ZC4H2: variants seen among roughly 807,000 people sequenced by gnomAD.
The protein encoded by ZC4H2 is zinc finger C4H2 domain-containing protein.
For missense variants in ZC4H2, 137 were observed against 173.9 expected (o/e 0.79, Z 1.19); for synonymous variants, 84 against 66.3 (o/e 1.27, Z -1.30).
rs1932615243 is a variant in ZC4H2, at chrX:65,004,402, C to T, written c.-272+30227G>A. 3.6e-5 allele frequency among the ~76,000 whole-genome samples: 4 copies of T among 112,073 alleles called. No homozygotes were observed. In the Admixed American group the frequency reaches 3.8e-4, roughly 11 times the overall value. ...TCCACCACAATCAAGTTAACTTCAT[C>T]CCTGGGATGCAAGGACGGTTCAACA... On this transcript the variant is annotated intron_variant, in intron 1 of 4. Transcript: ENST00000337990.
intron 1 of ZC4H2, among the ~76,000 whole-genome samples, chrX:64,966,412 A>T (rs754131568): frequency 8.9e-6 from 1 of 112,583 alleles, no homozygotes; most frequent in African/African-American, 3.2e-5. Flanking sequence ...AGTTATACAT[A>T]TACTTACAAT....
chrX:64,950,525 G>A (rs936027172), intron 1 of ZC4H2, among the ~76,000 whole-genome samples: 4 of 110,992 alleles, frequency 3.6e-5, no homozygotes, highest in African/African-American at 1.3e-4. Context: ...TATGAATCTG[G>A]GTGCTCCTGT....
At chrX:64,972,401 A>G (rs1243017291) in intron 1 of ZC4H2, among the ~76,000 whole-genome samples, 1 of 111,469 alleles carries the variant, frequency 9.0e-6, no homozygotes, top group Non-Finnish European at 1.9e-5. Context: ...CTTGACTTCA[A>G]TAGGTCATTA....
At chrX:65,007,134 A>T in intron 1 of ZC4H2, among the ~76,000 whole-genome samples, 1 of 107,297 alleles carries the variant, frequency 9.3e-6, no homozygotes, top group Middle Eastern at 4.7e-3. Flanking sequence ...TTGTTGTTCA[A>T]AAAAAAAAAA....
chrX:64,943,196 AGACT>A (rs1193214951), intron 1 of ZC4H2, among the ~76,000 whole-genome samples: 2 of 112,095 alleles, frequency 1.8e-5, no homozygotes, highest in East Asian at 5.6e-4. Context: ...GTGGTCAGAC[AGACT>A]GTTTGTTATT....
At chrX:64,957,738 T>C (rs1244920042) in intron 1 of ZC4H2, among the ~76,000 whole-genome samples, 1 of 110,051 alleles carries the variant, frequency 9.1e-6, no homozygotes, top group Non-Finnish European at 1.9e-5. Context: ...GGTGCATGCC[T>C]GTGGTCCTAG....
At chrX:64,950,359 T>A (rs1359756451) in intron 1 of ZC4H2, among the ~76,000 whole-genome samples, 1 of 111,810 alleles carries the variant, frequency 8.9e-6, no homozygotes, top group Non-Finnish European at 1.9e-5. Context: ...AGATGTCTAT[T>A]AGGTCTGCTC....
chrX:64,955,043 T>C (rs779565706), intron 1 of ZC4H2, among the ~76,000 whole-genome samples: 1 of 111,605 alleles, frequency 9.0e-6, no homozygotes, highest in Non-Finnish European at 1.9e-5. Flanking sequence ...TTAAAGCTTT[T>C]GTTATTAAAG....
chrX:64,933,514 T>C (rs1021141336), intron 1 of ZC4H2, among the ~76,000 whole-genome samples: 1 of 111,742 alleles, frequency 8.9e-6, no homozygotes, highest in African/African-American at 3.3e-5. Context: ...TATTTTTTAT[T>C]GGACTGTGGT....
intron 1 of ZC4H2, among the ~76,000 whole-genome samples, chrX:64,997,058 T>C (rs1396939433): frequency 8.9e-6 from 1 of 112,124 alleles, no homozygotes; most frequent in Non-Finnish European, 1.9e-5. Context: ...TGTAATCAAA[T>C]TGTTGAAAGC....
chrX:64,944,272 CT>C (rs1317618563), intron 1 of ZC4H2, among the ~76,000 whole-genome samples: 1 of 108,312 alleles, frequency 9.2e-6, no homozygotes, highest in Non-Finnish European at 1.9e-5. Flanking sequence ...TCCCGAGTAG[CT>C]GGGACTACAG....
upstream of ZC4H2, among the ~76,000 whole-genome samples, chrX:64,977,644 G>A (rs1365410303): frequency 3.6e-5 from 4 of 109,871 alleles, no homozygotes; most frequent in African/African-American, 6.7e-5. Context: ...GATTACAGGC[G>A]CCCACCCACC....
At chrX:64,990,615 T>C (rs1932291745) in intron 1 of ZC4H2, among the ~76,000 whole-genome samples, 1 of 111,881 alleles carries the variant, frequency 8.9e-6, no homozygotes, top group South Asian at 3.7e-4. Context: ...ATATTGTTTA[T>C]CTTGATTACT....
In ZC4H2 at chrX:65,026,711, G is replaced by GA. The variant is rs537124076; in HGVS notation, c.-272+7917dup. Among the ~76,000 whole-genome samples the GA allele has an allele frequency of 3.6e-3, 351 of 96,924 alleles. 6 individuals carry two copies. Among genetic ancestry groups the GA allele is most frequent in the East Asian group, 0.021 (65 of 3,137 alleles). The allele number at this position is 96,924 out of a possible 115,157, so 84.2% of individuals were successfully genotyped here. A position where few individuals can be genotyped will look rare whatever the true frequency, so the allele number is the denominator to read the frequency against. On this transcript the variant is annotated intron_variant, in intron 1 of 4. Transcript: ENST00000337990. ...GCAACAGAGCGAGACTCCGTCTCAG[G>GA]AAAAAAAAAAAAAGGAATTTAGCAC...
intron 1 of ZC4H2, among the ~76,000 whole-genome samples, chrX:65,012,032 A>T (rs1317963353): frequency 9.2e-6 from 1 of 108,350 alleles, no homozygotes; most frequent in Non-Finnish European, 1.9e-5. Context: ...ACATTAATGT[A>T]GTTGTTTGGC....
chrX:64,920,128 C>A lies in ZC4H2; in HGVS notation c.351G>T (p.Leu117=), dbSNP rs756812978. The part of the protein sequence containing the change: ...HVDALRMTLG[L]QRLPDLCEEE... ...CTTCACACAAGTCAGGGAGCCTCTG[C>A]AGGCCCAGAGTCATGCGCAGGGCAT... Residue 117 remains leucine (L), a synonymous_variant, in exon 3 of 5, where the codon CTG becomes CTT. Transcript: ENST00000374839. 9.1e-6 allele frequency: 11 copies of A among 1,209,546 alleles called. No individual in the cohort carries two copies. The highest frequency in any genetic ancestry group is 1.0e-5 in the Non-Finnish European group (9 of 895,102).
intron 1 of ZC4H2, among the ~76,000 whole-genome samples, chrX:65,010,736 C>A (rs1007258624): frequency 8.9e-6 from 1 of 111,883 alleles, no homozygotes; most frequent in African/African-American, 3.2e-5. Context: ...AGGGAAAAGA[C>A]CACATGTTCC....
At chrX:64,930,052 T>C (rs954939989) in intron 1 of ZC4H2, among the ~76,000 whole-genome samples, 1 of 111,078 alleles carries the variant, frequency 9.0e-6, no homozygotes, top group African/African-American at 3.3e-5. Flanking sequence ...TTTTTAGGAG[T>C]GTTTTGTAGT....
At chrX:64,925,078 T>C (rs776813971) in intron 1 of ZC4H2, among the ~76,000 whole-genome samples, 3 of 111,234 alleles carry the variant, frequency 2.7e-5, no homozygotes, top group South Asian at 3.8e-4. Flanking sequence ...AAGCAGAGTA[T>C]GTGGCACATG....
Sources: allele counts gnomAD v4.1 joint callset (sites outside exome capture counted in the v4.1 genomes callset), GRCh38; gene constraint gnomAD v4.1.1; transcripts MANE v1.5; gene names NCBI Gene and HGNC (gene_info 2026-07-23, HGNC 2026-07-21).